EMCN: variants seen among roughly 807,000 people sequenced by gnomAD.
EMCN encodes MUC-14.
EMCN carries 37 observed loss-of-function variants against 38.4 expected under a neutral mutation model. The ratio of observed to expected loss-of-function variants is 0.96; its 90% CI spans 0.74 to 1.27. EMCN has a LOEUF of 1.27. Among genes scored for constraint, EMCN ranks in the 50% most tolerant of loss-of-function variants. The pLI, the probability that EMCN is intolerant of heterozygous loss-of-function variation, is 0.00. For synonymous variants in EMCN, 95 were observed against 100.8 expected (o/e 0.94, Z 0.35); for missense variants, 318 against 302.8 (o/e 1.05, Z -0.37).
At chr4:100,449,252 G>A (rs2110245062) in intron 4 of EMCN, among the ~76,000 whole-genome samples, 1 of 152,046 alleles carries the variant, frequency 6.6e-6, no homozygotes, top group East Asian at 1.9e-4. Context: ...CTATTTGTAA[G>A]CAACTTTTAT....
At chr4:100,428,305 G>T (rs1490850131) in intron 5 of EMCN, among the ~76,000 whole-genome samples, 2 of 151,858 alleles carry the variant, frequency 1.3e-5, no homozygotes, top group Non-Finnish European at 2.9e-5. Context: ...CCACATATTG[G>T]GTGACTCACT....
At position 100,410,169 on chromosome 4, in the gene EMCN, C is replaced by T. The variant is rs537204020; in HGVS notation, c.*39+113G>A. On this transcript the variant is annotated intron_variant, in intron 11 of 11. Transcript: ENST00000296420. The stretch of plus-strand genomic sequence containing the variant: ...AAATAGACAATGATCATTGCATTGA[C>T]ACAAACCATTAGCTTTCCAGCTTTT... 5.4e-5 allele frequency: 43 copies of T among 793,688 alleles called. No individual in the cohort carries two copies. The South Asian group carries it at 7.1e-4, about 13-fold the overall frequency. The allele number at this position is 793,688 out of a possible 1,614,324, so 49.2% of individuals were successfully genotyped here.
chr4:100,494,312 T>G (rs1304190267), intron 1 of EMCN, among the ~76,000 whole-genome samples: 1 of 152,158 alleles, frequency 6.6e-6, no homozygotes, highest in Non-Finnish European at 1.5e-5. Context: ...GTGGGACAGA[T>G]GTAGCCTTTG....
intron 9 of EMCN, among the ~76,000 whole-genome samples, chr4:100,416,553 A>G (rs1430268792): frequency 6.6e-6 from 1 of 152,190 alleles, no homozygotes; most frequent in African/African-American, 2.4e-5. Flanking sequence ...TTATTTCTAA[A>G]GTTTACAACC....
intron 11 of EMCN, among the ~76,000 whole-genome samples, chr4:100,408,877 G>T (rs1726471118): frequency 6.6e-6 from 1 of 152,202 alleles, no homozygotes; most frequent in Non-Finnish European, 1.5e-5. Context: ...CAGGAGGGCA[G>T]GGGAAGGCAG....
intron 3 of EMCN, among the ~76,000 whole-genome samples, chr4:100,468,858 CAT>C (rs879772606): frequency 5.3e-5 from 8 of 151,844 alleles, no homozygotes; most frequent in Admixed American, 2.0e-4. Flanking sequence ...TCAAAATTCA[CAT>C]GTTATTGTTT....
intron 5 of EMCN, 127 bp downstream of exon 5, chr4:100,447,406 A>G: frequency 1.5e-6 from 1 of 670,150 alleles, no homozygotes; most frequent in Non-Finnish European, 2.6e-6. Context: ...TAAACATTTT[A>G]TTTGTGATGT....
intron 2 of EMCN, among the ~76,000 whole-genome samples, chr4:100,477,024 G>A (rs924532): frequency 0.022 from 3,339 of 152,190 alleles, 124 homozygotes; most frequent in African/African-American, 0.076. Flanking sequence ...CATAGAGGAT[G>A]TACAATGGAA....
intron 1 of EMCN, among the ~76,000 whole-genome samples, chr4:100,502,312 C>T (rs1729372022): frequency 6.6e-6 from 1 of 152,170 alleles, no homozygotes; most frequent in South Asian, 2.1e-4. Context: ...GTTGAATATA[C>T]CTGGCTTCCA....
intron 5 of EMCN, among the ~76,000 whole-genome samples, chr4:100,442,758 T>C (rs1317271609): frequency 1.3e-5 from 2 of 152,198 alleles, no homozygotes; most frequent in Non-Finnish European, 2.9e-5. Context: ...TTCCTAATTA[T>C]ATAATGAATT....
chr4:100,424,332 A>G (rs955466768), intron 5 of EMCN, among the ~76,000 whole-genome samples: 2 of 152,044 alleles, frequency 1.3e-5, no homozygotes, highest in African/African-American at 2.4e-5. Context: ...CTGAATTGCA[A>G]GTTCCTAGAG....
intron 1 of EMCN, among the ~76,000 whole-genome samples, chr4:100,509,757 TA>T (rs1455311110): frequency 6.6e-6 from 1 of 152,156 alleles, no homozygotes; most frequent in East Asian, 1.9e-4. Flanking sequence ...TGAACAGCCA[TA>T]AAAATTATGT....
At chr4:100,426,989 C>T (rs1420857649) in intron 5 of EMCN, among the ~76,000 whole-genome samples, 1 of 152,062 alleles carries the variant, frequency 6.6e-6, no homozygotes, top group Admixed American at 6.6e-5. Context: ...CTGTGAGTTT[C>T]CCTCCCCAAT....
intron 4 of EMCN, among the ~76,000 whole-genome samples, chr4:100,464,617 G>A (rs897166585): frequency 6.6e-6 from 1 of 152,016 alleles, no homozygotes; most frequent in African/African-American, 2.4e-5. Flanking sequence ...GTTAGATTTT[G>A]TCGAATGCTC....
intron 1 of EMCN, among the ~76,000 whole-genome samples, chr4:100,505,816 C>T (rs571788494): frequency 6.6e-6 from 1 of 152,250 alleles, no homozygotes; most frequent in African/African-American, 2.4e-5. Flanking sequence ...AAAAAAGCCA[C>T]TTTGTAGAAT....
At chr4:100,506,255 T>A (rs1020854329) in intron 1 of EMCN, among the ~76,000 whole-genome samples, 49 of 152,158 alleles carry the variant, frequency 3.2e-4, no homozygotes, top group African/African-American at 1.2e-3. Flanking sequence ...ATTCTGAGAT[T>A]GAGCTGGCAA....
rs1020643143 is a variant in EMCN at position 100,410,159 on chromosome 4, A to G, written c.*39+123T>C. 6 of 714,598 alleles carry G rather than the reference A, an allele frequency of 8.4e-6. No homozygotes were observed. In the Admixed American group the frequency reaches 1.3e-4, roughly 16 times the overall value. The allele number at this position is 714,598 out of a possible 1,614,324, so 44.3% of individuals were successfully genotyped here. On this transcript the variant is annotated intron_variant, in intron 11 of 11. Coordinates refer to ENST00000296420, the MANE Select transcript of EMCN (RefSeq NM_016242.4). ...GTTTTTAGACAAATAGACAATGATC[A>G]TTGCATTGACACAAACCATTAGCTT...
intron 4 of EMCN, among the ~76,000 whole-genome samples, chr4:100,454,732 T>C (rs1204289417): frequency 2.0e-5 from 3 of 152,168 alleles, no homozygotes; most frequent in Admixed American, 2.0e-4. Flanking sequence ...TATAGATCTT[T>C]CTATAAATAC....
intron 3 of EMCN, among the ~76,000 whole-genome samples, chr4:100,467,280 T>A (rs1460134084): frequency 6.6e-6 from 1 of 152,212 alleles, no homozygotes; most frequent in Admixed American, 6.5e-5. Flanking sequence ...GAATAAAAGA[T>A]GCTGCCACAG....
Sources: gnomAD v4.1 joint callset for allele counts (sites outside exome capture counted in the v4.1 genomes callset) on GRCh38, gnomAD v4.1.1 for gene constraint, MANE v1.5 for transcripts, NCBI Gene and HGNC (gene_info 2026-07-23, HGNC 2026-07-21) for gene names.